ADCY1: variants seen among roughly 807,000 people sequenced by gnomAD.
The protein encoded by ADCY1 is adenylate cyclase type 1.
Under a neutral mutation model 105.4 loss-of-function variants are expected in ADCY1, and 28 were observed. The observed-to-expected ratio is 0.27, with a 90% confidence interval of 0.20 to 0.36. The LOEUF is 0.36. ADCY1 is among the 10% of genes least tolerant of loss of function. The pLI is 1.00. For missense variants in ADCY1, 977 were observed against 1,434.2 expected (o/e 0.68, Z 5.15); for synonymous variants, 655 against 623.8 (o/e 1.05, Z -0.75).
At chr7:45,607,310 G>C (rs1315936185) in intron 2 of ADCY1, among the ~76,000 whole-genome samples, 6 of 152,134 alleles carry the variant, frequency 3.9e-5, no homozygotes, top group Non-Finnish European at 2.9e-5. Flanking sequence ...TCTCCATCTA[G>C]CTCGCCACCT....
At chr7:45,672,318 A>G (rs1422940319) in intron 8 of ADCY1, among the ~76,000 whole-genome samples, 1 of 152,180 alleles carries the variant, frequency 6.6e-6, no homozygotes, top group African/African-American at 2.4e-5. Context: ...CTGTCTGCCA[A>G]CACCATACTG....
chr7:45,711,332 G>A (rs1175431070), intron 19 of ADCY1, among the ~76,000 whole-genome samples: 1 of 151,986 alleles, frequency 6.6e-6, no homozygotes, highest in Non-Finnish European at 1.5e-5. Flanking sequence ...GGAAGGCTTG[G>A]TCCCCAGGCA....
At chr7:45,627,246 T>C (rs1294743678) in intron 4 of ADCY1, among the ~76,000 whole-genome samples, 1 of 152,198 alleles carries the variant, frequency 6.6e-6, no homozygotes, top group African/African-American at 2.4e-5. Flanking sequence ...GGTGTCATTA[T>C]GGCTCCGAAG....
intron 1 of ADCY1, among the ~76,000 whole-genome samples, chr7:45,590,900 G>T (rs1188658466): frequency 6.6e-6 from 1 of 152,118 alleles, no homozygotes; most frequent in African/African-American, 2.4e-5. Context: ...AACGTCGTCA[G>T]CCCCACAGGG....
At chr7:45,659,969 CT>C in intron 6 of ADCY1, 72 bp from the exon 7 acceptor site, 2 of 1,582,176 alleles carry the variant, frequency 1.3e-6, no homozygotes, top group Non-Finnish European at 1.7e-6. Context: ...GCCCCTTCCC[CT>C]CTGGTAAGGC....
rs751629086 is a variant in ADCY1, at chr7:45,713,975, G to A, written c.3340G>A (p.Ala1114Thr). ...CCCAGGCCAGTACCTGCCCTCTGCA[G>A]CAGCTGGGAAGGAGGCTTAGTGGAG... ...HSPGQYLPSA[A>T]AGKEA Residue 1114 changes from alanine to threonine, a missense_variant, in exon 20 of 20, where the codon GCA (alanine) becomes ACA (threonine). This residue lies in a region of ADCY1 where 78 missense variants were observed against 60.0 expected (regional missense o/e 1.30). Transcript: ENST00000297323. 1 of 777,142 alleles carries A rather than the reference G, an allele frequency of 1.3e-6. No homozygotes were observed. The highest frequency in any genetic ancestry group is 1.3e-5 in the South Asian group (1 of 74,572). The allele number at this position is 777,142 out of a possible 1,614,324, so 48.1% of individuals were successfully genotyped here. A position where few individuals can be genotyped will look rare whatever the true frequency, so the allele number is the denominator to read the frequency against.
intron 3 of ADCY1, among the ~76,000 whole-genome samples, chr7:45,610,742 A>G (rs1479584374): frequency 4.4e-5 from 2 of 45,914 alleles, no homozygotes; most frequent in African/African-American, 1.6e-4. Flanking sequence ...GGAGGTGGGG[A>G]GGTGATGATG....
chr7:45,574,796 G>A lies in ADCY1; in HGVS notation c.253G>A (p.Gly85Arg). The A allele has an allele frequency of 6.4e-7, 1 of 1,562,204 alleles. No individual in the cohort carries two copies. Among genetic ancestry groups the A allele is most frequent in the South Asian group, 1.2e-5 (1 of 85,532 alleles). Residue 85 changes from glycine (G) to arginine (R), a missense_variant, in exon 1 of 20, where the codon GGG becomes AGG. Gly to Arg is a moderately radical substitution (Grantham distance 125). Around this residue, in one of 7 missense-constraint regions of ADCY1, gnomAD observed 209 missense variants for 222.5 expected, o/e 0.94. Transcript: ENST00000297323. This position sits in a 1 kb window ranked among gnomAD's most constrained non-coding sequence, Gnocchi z 7.0. ...GCTGGCCGAGCTGCTGGGCGCGCCG[G>A]GGCCCGCGCCCGGCCTGGCCAAGGG... ...LALAELLGAP[G>R]PAPGLAKGSH...
At chr7:45,600,145 G>A (rs1238283833) in intron 2 of ADCY1, among the ~76,000 whole-genome samples, 2 of 152,252 alleles carry the variant, frequency 1.3e-5, no homozygotes, top group Non-Finnish European at 2.9e-5. Context: ...GAGGACATGC[G>A]ATCTGCTGTG....
At chr7:45,610,857 T>TATG in intron 3 of ADCY1, among the ~76,000 whole-genome samples, 1 of 5,316 alleles carries the variant, frequency 1.9e-4, no homozygotes, top group African/African-American at 6.6e-4. Context: ...ATATTGGAGT[T>TATG]GTGGAGATGA....
chr7:45,645,431 G>A (rs1336722354), intron 4 of ADCY1, among the ~76,000 whole-genome samples: 1 of 152,124 alleles, frequency 6.6e-6, no homozygotes, highest in Non-Finnish European at 1.5e-5. Context: ...AGGATAGTTG[G>A]GTTGACAGGG....
intron 4 of ADCY1, among the ~76,000 whole-genome samples, chr7:45,645,626 C>T (rs1051805125): frequency 1.3e-5 from 2 of 152,138 alleles, no homozygotes; most frequent in African/African-American, 4.8e-5. Context: ...GACCAGGAGG[C>T]CCTGGTAACC....
intron 3 of ADCY1, among the ~76,000 whole-genome samples, chr7:45,617,779 G>C (rs935024068): frequency 6.6e-6 from 1 of 152,168 alleles, no homozygotes; most frequent in Non-Finnish European, 1.5e-5. Context: ...TGGATTGGAA[G>C]AATGTTACTA....
intron 1 of ADCY1, among the ~76,000 whole-genome samples, chr7:45,579,024 G>A (rs1409140114): frequency 3.3e-5 from 5 of 152,158 alleles, no homozygotes; most frequent in Non-Finnish European, 5.9e-5. Context: ...CGATTATCAC[G>A]GAGAAATGGG....
chr7:45,661,260 G>A (rs1235023823), intron 7 of ADCY1, among the ~76,000 whole-genome samples: 1 of 152,126 alleles, frequency 6.6e-6, no homozygotes, highest in African/African-American at 2.4e-5. Context: ...TTGAATAGCG[G>A]GAGGGGAAGA....
In ADCY1 at chr7:45,592,608, C is replaced by T; in HGVS notation, c.640-151C>T. 2.9e-6 allele frequency: 3 copies of T among 1,028,578 alleles called. No homozygotes were observed. The South Asian group carries it at 4.7e-5, about 16-fold the overall frequency. The allele number at this position is 1,028,578 out of a possible 1,614,324, so 63.7% of individuals were successfully genotyped here. On this transcript the variant is annotated intron_variant, in intron 1 of 19. Transcript: ENST00000297323. ...AGGGTGAGGACGAGCTCCTGCCCGG[C>T]TGACTCCCTGTGTCCCTGGCCCTGC...
rs146995352 is a variant in ADCY1 at position 45,588,243 on chromosome 7, G to C, written c.640-4516G>C. On this transcript the variant is annotated intron_variant, in intron 1 of 19. Transcript: ENST00000297323. The stretch of plus-strand genomic sequence containing the variant: ...TACACCCCCTCCCCATCATTTGTGT[G>C]TGTGCGTGTGTGTGTGACACTTGCT... 2.6e-5 allele frequency among the ~76,000 whole-genome samples: 4 copies of C among 152,284 alleles called. No homozygotes were observed. The East Asian group carries it at 7.7e-4, about 29-fold the overall frequency.
chr7:45,608,358 C>T (rs1584265788), intron 2 of ADCY1, among the ~76,000 whole-genome samples: 2 of 152,346 alleles, frequency 1.3e-5, no homozygotes, highest in Non-Finnish European at 1.5e-5. Context: ...CATGACCTTT[C>T]AACTCATGTC....
Position 45,612,744 on chromosome 7 carries a change from G to A in ADCY1, c.908+2247G>A, listed in dbSNP as rs79463655. 3.2e-3 allele frequency among the ~76,000 whole-genome samples: 484 copies of A among 152,308 alleles called. 3 individuals carry two copies. The highest frequency in any genetic ancestry group is 0.017 in the Middle Eastern group (5 of 294). On this transcript the variant is annotated intron_variant, in intron 3 of 19. Transcript: ENST00000297323. ...CCACTGCCCCAACTTTTATGGGGCTGCCTGAAGAACAAGCCTCTATCTCTC... is the reference window on the plus strand; with the variant it reads ...CCACTGCCCCAACTTTTATGGGGCTACCTGAAGAACAAGCCTCTATCTCTC...
Sources: allele counts gnomAD v4.1 joint callset (sites outside exome capture counted in the v4.1 genomes callset), GRCh38; gene constraint gnomAD v4.1.1; regional missense constraint gnomAD v4.1.1; non-coding constraint Gnocchi (gnomAD v3.1); transcripts MANE v1.5; gene names NCBI Gene and HGNC (gene_info 2026-07-23, HGNC 2026-07-21).